The following MBOAT1 variants were observed in gnomAD, a reference collection of about 807,000 sequenced individuals.
MBOAT1 encodes membrane bound glycerophospholipid O-acyltransferase 1.
In MBOAT1, 67 loss-of-function variants were observed where a neutral mutation model predicts 64.4. That is an observed-to-expected ratio of 1.04 (90% confidence interval 0.85 to 1.27). MBOAT1 has a LOEUF of 1.27. MBOAT1 is among the 50% of genes most tolerant of loss of function. The pLI is 0.00. For missense variants in MBOAT1, 563 were observed against 604.6 expected (o/e 0.93, Z 0.72); for synonymous variants, 229 against 218.9 (o/e 1.05, Z -0.41).
At chr6:20,187,503 C>A (rs1278125914) in intron 1 of MBOAT1, among the ~76,000 whole-genome samples, 1 of 152,236 alleles carries the variant, frequency 6.6e-6, no homozygotes, top group Non-Finnish European at 1.5e-5. Context: ...CCTTCTCCTT[C>A]CCACTTTCCC....
chr6:20,144,289 T>C lies in MBOAT1; in HGVS notation c.350A>G (p.Tyr117Cys). ...HRYSFFVAMGYLTICHISRIY... is the reference protein window; with the variant it reads ...HRYSFFVAMGCLTICHISRIY... ...TCGGCTGATGTGGCATATTGTAAGA[T>C]ATCCCATTGCTACAAAAAAGGAATA... Residue 117 changes from tyrosine to cysteine, a missense_variant, in exon 4 of 13, where the codon TAT becomes TGT. By Grantham distance (194) the Tyr-to-Cys change is radical (BLOSUM62 -2). Coordinates refer to ENST00000324607, the MANE Select transcript of MBOAT1 (RefSeq NM_001080480.3). 6.2e-7 allele frequency: 1 copy of C among 1,612,098 alleles called. No individual in the cohort carries two copies. The highest frequency in any genetic ancestry group is 1.3e-5 in the African/African-American group (1 of 74,980).
At position 20,144,309 on chromosome 6, in the gene MBOAT1, G is replaced by C. The variant is rs780065602; in HGVS notation, c.330C>G (p.Ser110=). Residue 110 remains serine (S), a synonymous_variant, in exon 4 of 13, where the codon TCC becomes TCG. Coordinates refer to ENST00000324607, the MANE Select transcript of MBOAT1 (RefSeq NM_001080480.3). ...TAAGATATCCCATTGCTACAAAAAA[G>C]GAATATCTGAAAGCAAAAACATAGA... ...TASVSNIHRY[S]FFVAMGYLTI... The C allele has an allele frequency of 6.2e-7, 1 of 1,605,670 alleles. No individual in the cohort carries two copies. The highest frequency in any genetic ancestry group is 8.5e-7 in the Non-Finnish European group (1 of 1,174,110).
intron 1 of MBOAT1, among the ~76,000 whole-genome samples, chr6:20,175,889 T>C (rs111646169): frequency 0.01 from 1,513 of 144,616 alleles, 28 homozygotes; most frequent in African/African-American, 0.035. Context: ...CGGGCATGAG[T>C]CACTGCATCC....
At chr6:20,164,598 A>G (rs554769226) in intron 1 of MBOAT1, among the ~76,000 whole-genome samples, 1 of 151,584 alleles carries the variant, frequency 6.6e-6, no homozygotes, top group East Asian at 1.9e-4. Flanking sequence ...ATCCTAATCC[A>G]GATCAGAATT....
intron 1 of MBOAT1, among the ~76,000 whole-genome samples, chr6:20,154,283 G>A (rs1761611892): frequency 1.3e-5 from 2 of 152,196 alleles, no homozygotes; most frequent in South Asian, 4.1e-4. Context: ...TGTAATCCCA[G>A]CACTTTGGGA....
chr6:20,121,166 G>A (rs1299221977), intron 8 of MBOAT1, among the ~76,000 whole-genome samples: 1 of 152,186 alleles, frequency 6.6e-6, no homozygotes, highest in Non-Finnish European at 1.5e-5. Context: ...GCAGCTCAGT[G>A]GAGATTCATC....
chr6:20,124,663 G>A (rs1760600790), intron 7 of MBOAT1, 63 bp from the exon 8 acceptor site: 3 of 1,497,078 alleles, frequency 2.0e-6, no homozygotes, highest in East Asian at 4.5e-5. Flanking sequence ...AAACAGCTTT[G>A]GAATGGACCT....
At chr6:20,164,534 C>A (rs557164339) in intron 1 of MBOAT1, among the ~76,000 whole-genome samples, 1 of 152,320 alleles carries the variant, frequency 6.6e-6, no homozygotes, top group South Asian at 2.1e-4. Context: ...ACACTGGAAT[C>A]AACCAAAGAT....
chr6:20,188,072 G>A (rs1351178615), intron 1 of MBOAT1, among the ~76,000 whole-genome samples: 1 of 152,214 alleles, frequency 6.6e-6, no homozygotes, highest in Non-Finnish European at 1.5e-5. Context: ...TGGATCATGT[G>A]TAAGAGGCAA....
Position 20,111,849 on chromosome 6 carries a change from T to C in MBOAT1, c.1209+1027A>G, listed in dbSNP as rs887769009. 8.7e-3 allele frequency among the ~76,000 whole-genome samples: 693 copies of C among 79,602 alleles called. 1 individual carries two copies. Among genetic ancestry groups the C allele is most frequent in the South Asian group, 0.019 (41 of 2,152 alleles). The allele number at this position is 79,602 out of a possible 152,430, so 52.2% of individuals were successfully genotyped here. A position where few individuals can be genotyped will look rare whatever the true frequency, so the allele number is the denominator to read the frequency against. ...ACATATATATACACATATATATACA[T>C]ATATATATACATATATATACATATA... On this transcript the variant is annotated intron_variant, in intron 11 of 12. Transcript: ENST00000324607.
intron 1 of MBOAT1, among the ~76,000 whole-genome samples, chr6:20,169,257 CTCA>C (rs1431906302): frequency 3.3e-5 from 5 of 152,150 alleles, no homozygotes; most frequent in African/African-American, 1.2e-4. Flanking sequence ...GGCCAATTAT[CTCA>C]GAGTGGGTTG....
At chr6:20,211,977 C>CACACAT (rs1763437589) in intron 1 of MBOAT1, 159 bp downstream of exon 1, 4 of 533,320 alleles carry the variant, frequency 7.5e-6, no homozygotes, top group Non-Finnish European at 1.3e-5. Flanking sequence ...AAAACACACA[C>CACACAT]ACACACACAC....
intron 5 of MBOAT1, among the ~76,000 whole-genome samples, chr6:20,130,709 AAAAC>A (rs1046128437): frequency 2.4e-4 from 36 of 151,966 alleles, no homozygotes; most frequent in African/African-American, 8.4e-4. Context: ...GCCAAAAAAA[AAAAC>A]AAACAAAAAC....
intron 1 of MBOAT1, among the ~76,000 whole-genome samples, chr6:20,159,098 T>G (rs893331798): frequency 6.6e-6 from 1 of 152,146 alleles, no homozygotes; most frequent in African/African-American, 2.4e-5. Flanking sequence ...GAAATCAGTA[T>G]GTTGAAGAAA....
intron 1 of MBOAT1, among the ~76,000 whole-genome samples, chr6:20,154,339 C>G (rs1460543999): frequency 1.3e-5 from 2 of 152,132 alleles, no homozygotes; most frequent in Non-Finnish European, 2.9e-5. Context: ...TGAGACCAGA[C>G]TGGCCAAACA....
At chr6:20,175,619 GTTCT>G (rs1352700329) in intron 1 of MBOAT1, among the ~76,000 whole-genome samples, 8 of 148,702 alleles carry the variant, frequency 5.4e-5, no homozygotes, top group Non-Finnish European at 1.0e-4. Flanking sequence ...GCTATTTTTT[GTTCT>G]TTCTTTCTTT....
At chr6:20,142,887 A>T (rs1761219659) in intron 4 of MBOAT1, among the ~76,000 whole-genome samples, 1 of 152,238 alleles carries the variant, frequency 6.6e-6, no homozygotes, top group African/African-American at 2.4e-5. Flanking sequence ...AGAAGAACTT[A>T]TGCATGAAAA....
chr6:20,152,340 A>AG (rs56153189), intron 2 of MBOAT1, among the ~76,000 whole-genome samples: 1 of 19,290 alleles, frequency 5.2e-5, no homozygotes, highest in Non-Finnish European at 1.4e-4. Context: ...AAAAAAAAAT[A>AG]AAAAATAAAT....
chr6:20,185,845 C>T (rs1762636316), intron 1 of MBOAT1, among the ~76,000 whole-genome samples: 1 of 152,170 alleles, frequency 6.6e-6, no homozygotes, highest in African/African-American at 2.4e-5. Flanking sequence ...GGTTTGGTAA[C>T]TTGCTCAAGG....
Sources: allele counts gnomAD v4.1 joint callset (sites outside exome capture counted in the v4.1 genomes callset), GRCh38; gene constraint gnomAD v4.1.1; transcripts MANE v1.5; gene names NCBI Gene and HGNC (gene_info 2026-07-23, HGNC 2026-07-21).